The following TCF7L2 variants were observed in gnomAD, a reference collection of about 807,000 sequenced individuals.
TCF7L2 encodes the protein transcription factor 7-like 2.
TCF7L2 carries 23 observed loss-of-function variants against 77.9 expected under a neutral mutation model. That is an observed-to-expected ratio of 0.30 (90% CI 0.21 to 0.42). The LOEUF is 0.42. TCF7L2 is among the 10% of genes least tolerant of loss of function. The pLI is 1.00. For missense variants in TCF7L2, 654 were observed against 793.1 expected (o/e 0.82, Z 2.11); for synonymous variants, 413 against 340.2 (o/e 1.21, Z -2.36).
intron 5 of TCF7L2, among the ~76,000 whole-genome samples, chr10:113,057,768 T>G (rs7071302): frequency 0.53 from 80,194 of 151,968 alleles, 23,501 homozygotes; most frequent in African/African-American, 0.77. Flanking sequence ...GTGGCTTTTC[T>G]CAGGTGGAAA....
rs140189801 is a variant in TCF7L2 at position 113,131,382 on chromosome 10, G to C, written c.553-9802G>C. Among the ~76,000 whole-genome samples, 499 of 152,256 alleles carry C rather than the reference G, an allele frequency of 3.3e-3. 3 individuals carry two copies. The highest frequency in any genetic ancestry group is 0.012 in the Admixed American group (178 of 15,294). On this transcript the variant is annotated intron_variant, in intron 5 of 13. Transcript: ENST00000627217. Reference sequence around the variant, plus strand: ...CCTTTCTAGCTGTGTGCAACTCTTTGGTTCAATCTAGGATTGTGTAAACTG... The same window carrying C: ...CCTTTCTAGCTGTGTGCAACTCTTTCGTTCAATCTAGGATTGTGTAAACTG...
intron 5 of TCF7L2, among the ~76,000 whole-genome samples, chr10:113,101,701 G>T (rs1238363512): frequency 6.6e-6 from 1 of 151,904 alleles, no homozygotes; most frequent in African/African-American, 2.4e-5. Context: ...AAATTAGCTG[G>T]GCATGGTGGC....
Position 113,011,343 on chromosome 10 carries a change from TG to T in TCF7L2, c.451-28676del, listed in dbSNP as rs531973159. Among the ~76,000 whole-genome samples, 601 of 152,120 alleles carry T rather than the reference TG, an allele frequency of 4.0e-3. 3 individuals carry two copies. Among genetic ancestry groups the T allele is most frequent in the Non-Finnish European group, 5.9e-3 (400 of 67,998 alleles). On this transcript the variant is annotated intron_variant, in intron 4 of 13. Transcript: ENST00000627217. ...AGCCAAGCCAGAGATCTGGTGGTAG[TG>T]GGGGGTTTCCAAGCTAGAATGGTTG...
intron 4 of TCF7L2, among the ~76,000 whole-genome samples, chr10:112,997,951 G>A (rs2043793073): frequency 2.0e-5 from 3 of 151,962 alleles, no homozygotes; most frequent in African/African-American, 4.8e-5. Flanking sequence ...TTACAACCCC[G>A]TGTGCAAAAG....
intron 5 of TCF7L2, among the ~76,000 whole-genome samples, chr10:113,085,242 T>G (rs896383875): frequency 6.9e-6 from 1 of 145,064 alleles, no homozygotes; most frequent in Admixed American, 6.9e-5. Context: ...TTTTTTTTTT[T>G]AATTTTTAGT....
intron 4 of TCF7L2, among the ~76,000 whole-genome samples, chr10:113,032,648 T>C (rs1416090277): frequency 6.6e-6 from 1 of 152,174 alleles, no homozygotes; most frequent in Non-Finnish European, 1.5e-5. Flanking sequence ...ATTTGTAAGG[T>C]AAGTCAGGGT....
chr10:113,100,297 T>C (rs998713271), intron 5 of TCF7L2, among the ~76,000 whole-genome samples: 1 of 152,206 alleles, frequency 6.6e-6, no homozygotes, highest in Admixed American at 6.5e-5. Flanking sequence ...TAGGGTACTT[T>C]AGAAAGCGGG....
chr10:113,115,814 G>GT (rs1311426692), intron 5 of TCF7L2, among the ~76,000 whole-genome samples: 1 of 152,134 alleles, frequency 6.6e-6, no homozygotes, highest in East Asian at 1.9e-4. Context: ...CCTGTGGTCA[G>GT]TTTTGTGAAT....
intron 4 of TCF7L2, among the ~76,000 whole-genome samples, chr10:113,019,665 T>C (rs971001355): frequency 6.6e-6 from 1 of 152,066 alleles, no homozygotes; most frequent in East Asian, 1.9e-4. Flanking sequence ...AAAAAAAGGG[T>C]CCAATCCACT....
At chr10:113,056,376 T>C (rs997238817) in intron 5 of TCF7L2, among the ~76,000 whole-genome samples, 1 of 152,120 alleles carries the variant, frequency 6.6e-6, no homozygotes, top group African/African-American at 2.4e-5. Context: ...TTGAATCTAA[T>C]TGGAAGTGGG....
intron 5 of TCF7L2, among the ~76,000 whole-genome samples, chr10:113,046,885 A>G (rs1296331440): frequency 1.3e-5 from 2 of 152,108 alleles, no homozygotes; most frequent in Non-Finnish European, 2.9e-5. Context: ...ATGAATATTT[A>G]TATTTGTTTT....
intron 5 of TCF7L2, among the ~76,000 whole-genome samples, chr10:113,084,386 C>G (rs904707983): frequency 6.6e-6 from 1 of 152,124 alleles, no homozygotes; most frequent in Non-Finnish European, 1.5e-5. Flanking sequence ...AGCTCAAGCC[C>G]GAAGGCAGTT....
At chr10:113,154,522 G>A (rs1380033972) in intron 11 of TCF7L2, among the ~76,000 whole-genome samples, 2 of 152,090 alleles carry the variant, frequency 1.3e-5, no homozygotes, top group African/African-American at 4.8e-5. Flanking sequence ...CATTTACACT[G>A]GGGTCTATGT....
chr10:113,101,269 TG>T (rs1483326648), intron 5 of TCF7L2, among the ~76,000 whole-genome samples: 2 of 152,160 alleles, frequency 1.3e-5, no homozygotes, highest in Non-Finnish European at 2.9e-5. Flanking sequence ...ATAAGATAGC[TG>T]GGCACAGTTG....
rs544206296 is a variant in TCF7L2, at chr10:113,031,064, G to GT, written c.451-8960dup. 1.9e-4 allele frequency among the ~76,000 whole-genome samples: 29 copies of GT among 152,332 alleles called. No individual in the cohort carries two copies. The South Asian group carries it at 5.8e-3, about 30-fold the overall frequency. ...CCATTCTGCCCGTAAGCTCAGTAGG[G>GT]TGTAGGCAAAAGAGTTCTGGCCTGG... On this transcript the variant is annotated intron_variant, in intron 4 of 13. Transcript: ENST00000627217.
At chr10:113,059,714 G>A (rs574274244) in intron 5 of TCF7L2, among the ~76,000 whole-genome samples, 1 of 152,148 alleles carries the variant, frequency 6.6e-6, no homozygotes, top group Non-Finnish European at 1.5e-5. Flanking sequence ...AAGGCAGCAG[G>A]GAGAGTGGAA....
At chr10:113,037,037 A>G (rs776066370) in intron 4 of TCF7L2, among the ~76,000 whole-genome samples, 2 of 152,180 alleles carry the variant, frequency 1.3e-5, no homozygotes, top group Admixed American at 1.3e-4. Context: ...TAATGTCTCC[A>G]GGAAGGAAAA....
At chr10:113,086,374 T>C (rs566470229) in intron 5 of TCF7L2, among the ~76,000 whole-genome samples, 1 of 152,350 alleles carries the variant, frequency 6.6e-6, no homozygotes, top group East Asian at 1.9e-4. Context: ...GCCCATGTAT[T>C]AGAACCATCT....
chr10:113,144,146 G>GTA, intron 7 of TCF7L2, 121 bp downstream of exon 7: 3 of 864,940 alleles, frequency 3.5e-6, no homozygotes, highest in African/African-American at 3.5e-5. Flanking sequence ...GTATGTGTGT[G>GTA]TGTTAGAAGC....
Sources: allele counts gnomAD v4.1 joint callset (sites outside exome capture counted in the v4.1 genomes callset), GRCh38; gene constraint gnomAD v4.1.1; transcripts MANE v1.5; gene names NCBI Gene and HGNC (gene_info 2026-07-23, HGNC 2026-07-21).